AP3B2: variants seen among roughly 807,000 people sequenced by gnomAD.
AP3B2 encodes the protein AP-3 complex subunit beta-2.
Under a neutral mutation model 126.9 loss-of-function variants are expected in AP3B2, and 50 were observed. That is an observed-to-expected ratio of 0.39 (90% CI 0.31 to 0.50). The LOEUF is 0.50. AP3B2 is among the 20% of genes least tolerant of loss of function. The pLI, the probability that AP3B2 is intolerant of heterozygous loss-of-function variation, is 0.79. For missense variants in AP3B2, 1,177 were observed against 1,426.4 expected (o/e 0.83, Z 2.82); for synonymous variants, 541 against 565.0 (o/e 0.96, Z 0.60).
At chr15:82,669,784 C>G (rs1033465828) in intron 14 of AP3B2, among the ~76,000 whole-genome samples, 1 of 151,398 alleles carries the variant, frequency 6.6e-6, no homozygotes. Context: ...GGCAGAATAC[C>G]TGAGGTCAGG....
rs138871370 is a variant in AP3B2 at position 82,678,066 on chromosome 15, C to T, written c.1245+39G>A. ...ACCAGGGCACAAGGATCTGATGGGC[C>T]CCTCTCCCAGGCCCTTCTGGCTGGG... On this transcript the variant is annotated intron_variant, in intron 11 of 26. Transcript: ENST00000535359. 8.7e-3 allele frequency: 13,958 copies of T among 1,606,112 alleles called. 71 individuals carry two copies. Among genetic ancestry groups the T allele is most frequent in the Non-Finnish European group, 0.011 (12,412 of 1,174,036 alleles).
At chr15:82,701,320 C>A (rs78696871) in intron 1 of AP3B2, among the ~76,000 whole-genome samples, 29 of 152,320 alleles carry the variant, frequency 1.9e-4, no homozygotes, top group Non-Finnish European at 3.4e-4. Context: ...CTCTCTCCCA[C>A]CAATCGCTCC....
intron 11 of AP3B2, 37 bp downstream of exon 11, chr15:82,678,068 C>G (rs770110149): frequency 1.2e-6 from 2 of 1,607,282 alleles, no homozygotes; most frequent in East Asian, 2.2e-5. Context: ...TGATGGGCCC[C>G]TCTCCCAGGC....
intron 14 of AP3B2, among the ~76,000 whole-genome samples, chr15:82,671,917 G>A (rs1239456193): frequency 3.3e-5 from 5 of 151,820 alleles, no homozygotes; most frequent in Admixed American, 6.6e-5. Context: ...GGTGGCGGGC[G>A]CCTGTAATCC....
At chr15:82,683,047 G>GTT (rs61213011) in intron 4 of AP3B2, among the ~76,000 whole-genome samples, 3,960 of 77,482 alleles carry the variant, frequency 0.051, 1,051 homozygotes, top group East Asian at 0.13. Context: ...TGCACCAGGA[G>GTT]TTTTTTTTTT....
chr15:82,680,448 G>A lies in AP3B2; in HGVS notation c.1055+24C>T. ...GGGCGGGGCAGGAGGCGAGGGAGGG[G>A]GCGGGGCTGGGGGCGGAGCGCACCT... On this transcript the variant is annotated intron_variant, in intron 8 of 26. Coordinates refer to ENST00000535359, the MANE Select transcript of AP3B2 (RefSeq NM_001278512.2). The surrounding 1 kb of genome is among the most constrained non-coding windows in gnomAD (Gnocchi z 6.1). The A allele has an allele frequency of 6.8e-7, 1 of 1,460,992 alleles. No homozygotes were observed. The highest frequency in any genetic ancestry group is 9.0e-7 in the Non-Finnish European group (1 of 1,109,310). 90.5% of individuals were successfully genotyped at this position (1,460,992 alleles called of 1,614,324 possible). A position where few individuals can be genotyped will look rare whatever the true frequency, so the allele number is the denominator to read the frequency against.
chr15:82,677,899 C>T (rs1043044084), intron 11 of AP3B2, 96 bp from the exon 12 acceptor site: 38 of 1,448,864 alleles, frequency 2.6e-5, no homozygotes, highest in South Asian at 1.6e-4. Context: ...CTTATCATGC[C>T]GGTGACTAAG....
chr15:82,696,733 G>A (rs575827119), intron 1 of AP3B2, among the ~76,000 whole-genome samples: 1 of 152,322 alleles, frequency 6.6e-6, no homozygotes, highest in Admixed American at 6.5e-5. Context: ...AGCATGGGCT[G>A]GTATTCCTTG....
At position 82,664,086 on chromosome 15, in the gene AP3B2, G is replaced by A; in HGVS notation, c.2262-111C>T. On this transcript the variant is annotated intron_variant, in intron 19 of 26. Transcript: ENST00000535359. This position sits in a 1 kb window ranked among gnomAD's most constrained non-coding sequence, Gnocchi z 4.5. ...GAGTGGTGTGGGGAGCCTGAGCCAGGAGGGTTCACACCTGAGGTCCTATAG... is the reference window on the plus strand; with the variant it reads ...GAGTGGTGTGGGGAGCCTGAGCCAGAAGGGTTCACACCTGAGGTCCTATAG... 1.4e-6 allele frequency: 2 copies of A among 1,460,234 alleles called. No individual in the cohort carries two copies. Among genetic ancestry groups the A allele is most frequent in the South Asian group, 1.4e-5 (1 of 71,062 alleles). The allele number at this position is 1,460,234 out of a possible 1,614,324, so 90.5% of individuals were successfully genotyped here.
chr15:82,708,815 C>T (rs2151465438), intron 1 of AP3B2: 1 of 152,748 alleles, frequency 6.5e-6, no homozygotes, highest in South Asian at 2.1e-4. Flanking sequence ...GAGACTAGGT[C>T]CTCTCCCTGC....
intron 4 of AP3B2, 129 bp downstream of exon 4, chr15:82,688,607 C>G: frequency 1.1e-6 from 1 of 873,460 alleles, no homozygotes; most frequent in Non-Finnish European, 1.9e-6. Flanking sequence ...CTGTGACCCT[C>G]CCAATTTTAG....
intron 4 of AP3B2, among the ~76,000 whole-genome samples, chr15:82,683,023 A>G (rs181227593): frequency 7.4e-4 from 105 of 142,264 alleles, no homozygotes; most frequent in African/African-American, 2.6e-3. Flanking sequence ...CATTTCAACA[A>G]TGTTCACAGC....
chr15:82,664,729 G>T lies in AP3B2; in HGVS notation c.2137+106C>A. ...CAGGTGCACAAACAATTCACAAGCA[G>T]GTGCACACCCCTAGACACACAACCA... On this transcript the variant is annotated intron_variant, in intron 18 of 26. Coordinates refer to ENST00000535359, the MANE Select transcript of AP3B2 (RefSeq NM_001278512.2). The surrounding 1 kb of genome is among the most constrained non-coding windows in gnomAD (Gnocchi z 4.5). The T allele has an allele frequency of 1.0e-6, 1 of 986,482 alleles. No individual in the cohort carries two copies. Among genetic ancestry groups the T allele is most frequent in the Non-Finnish European group, 1.5e-6 (1 of 665,722 alleles). The allele number at this position is 986,482 out of a possible 1,614,324, so 61.1% of individuals were successfully genotyped here. A position where few individuals can be genotyped will look rare whatever the true frequency, so the allele number is the denominator to read the frequency against.
intron 4 of AP3B2, among the ~76,000 whole-genome samples, chr15:82,683,481 C>T (rs556484031): frequency 5.9e-4 from 90 of 152,342 alleles, no homozygotes; most frequent in Non-Finnish European, 4.0e-4. Flanking sequence ...AATTCTACTT[C>T]TACTTCTAGG....
chr15:82,706,807 T>C (rs2048803100), intron 1 of AP3B2, among the ~76,000 whole-genome samples: 1 of 152,152 alleles, frequency 6.6e-6, no homozygotes. Flanking sequence ...TCCTTTCCAT[T>C]GTGGAAATCT....
chr15:82,674,710 G>A (rs1009758047), intron 14 of AP3B2, among the ~76,000 whole-genome samples: 6 of 152,206 alleles, frequency 3.9e-5, no homozygotes, highest in African/African-American at 1.4e-4. Flanking sequence ...ATGAACAAAT[G>A]CACATGTAGC....
Position 82,680,983 on chromosome 15 carries a change from C to T in AP3B2, c.625G>A (p.Val209Ile). Residue 209 changes from valine (V) to isoleucine (I), a missense_variant, in exon 7 of 27, where the codon GTC becomes ATC. Around this residue, in one of 5 missense-constraint regions of AP3B2, gnomAD observed 130 missense variants for 262.0 expected, o/e 0.50. Coordinates refer to ENST00000535359, the MANE Select transcript of AP3B2 (RefSeq NM_001278512.2). This position sits in a 1 kb window ranked among gnomAD's most constrained non-coding sequence, Gnocchi z 6.1. ...AGSVVMAFEE[V>I]CPERIDLIHK... Reference sequence around the variant, plus strand: ...ATCAGGTCGATGCGCTCCGGGCAGACCTCCTCAAAGGCCATCACCACACTG... The same window carrying T: ...ATCAGGTCGATGCGCTCCGGGCAGATCTCCTCAAAGGCCATCACCACACTG... 6.2e-7 allele frequency: 1 copy of T among 1,613,912 alleles called. No homozygotes were observed. The highest frequency in any genetic ancestry group is 8.5e-7 in the Non-Finnish European group (1 of 1,179,870).
chr15:82,670,410 G>A (rs201332573), intron 14 of AP3B2, among the ~76,000 whole-genome samples: 9 of 152,184 alleles, frequency 5.9e-5, no homozygotes, highest in African/African-American at 1.9e-4. Flanking sequence ...ACGCCTGGCC[G>A]TGAATTCATT....
intron 21 of AP3B2, 47 bp downstream of exon 21, chr15:82,663,513 G>T: frequency 6.3e-7 from 1 of 1,593,194 alleles, no homozygotes; most frequent in Non-Finnish European, 8.6e-7. Flanking sequence ...TCTAATTCAT[G>T]CTCCCCAGGC....
Sources: gnomAD v4.1 joint callset for allele counts (sites outside exome capture counted in the v4.1 genomes callset) on GRCh38, gnomAD v4.1.1 for gene constraint, gnomAD v4.1.1 regional missense constraint, Gnocchi (gnomAD v3.1) non-coding constraint, MANE v1.5 for transcripts, NCBI Gene and HGNC (gene_info 2026-07-23, HGNC 2026-07-21) for gene names.